Variants in MAP3K12 observed in about 807,000 individuals in gnomAD.
MAP3K12 encodes the protein mitogen-activated protein kinase kinase kinase 12.
In MAP3K12, 14 loss-of-function variants were observed where a neutral mutation model predicts 87.5. That is an observed-to-expected ratio of 0.16 (90% CI 0.11 to 0.25). The LOEUF is 0.25. Ranked by LOEUF, MAP3K12 falls within the 10% of genes least tolerant of loss-of-function variation. The probability of loss-of-function intolerance (pLI) is 1.00; values close to 1 mark genes in which losing one functional copy is unlikely to be tolerated. For missense variants in MAP3K12, 802 were observed against 1,140.4 expected, an observed-to-expected ratio of 0.70 and a Z score of 4.27; for synonymous variants, 469 against 452.5, an observed-to-expected ratio of 1.04 and a Z score of -0.46.
In MAP3K12 at chr12:53,487,263, C is replaced by T. The variant is rs773763331; in HGVS notation, c.129G>A (p.Thr43=). The change falls in exon 2 of 14, where the codon ACG becomes ACA. Residue 43 remains threonine, a synonymous_variant. Coordinates refer to ENST00000547488, the MANE Select transcript of MAP3K12 (RefSeq NM_001193511.2). ...TSDCTPEKDL[T]PTQCVLRDVV... is the part of the protein sequence containing the mutation. ...CATCTCGAAGTACACACTGGGTAGG[C>T]GTCAGGTCCTTCTCGGGAGTGCAGT... The T allele has an allele frequency of 5.5e-5, 89 of 1,613,730 alleles. No homozygotes were observed. The highest frequency in any genetic ancestry group is 5.9e-5 in the Non-Finnish European group (70 of 1,179,960).
chr12:53,481,287 G>C lies in MAP3K12; in HGVS notation c.2581-7C>G, dbSNP rs1317032560. On this transcript the variant is annotated splice_polypyrimidine_tract_variant and splice_region_variant and intron_variant, in intron 13 of 13. Coordinates refer to ENST00000547488, the MANE Select transcript of MAP3K12 (RefSeq NM_001193511.2). ...CCTCAGAATTGGGAGGGCCCTGTGA[G>C]AAAGAGTAGAAATGGAGTGAGATTC... 3 of 1,507,306 alleles carry C rather than the reference G, an allele frequency of 2.0e-6. No homozygotes were observed. Among genetic ancestry groups the C allele is most frequent in the Non-Finnish European group, 2.7e-6 (3 of 1,120,824 alleles). The allele number at this position is 1,507,306 out of a possible 1,614,324, so 93.4% of individuals were successfully genotyped here.
rs1465572155 is a variant in MAP3K12, at chr12:53,479,965, C to T, written c.*1217G>A. On this transcript the variant is annotated 3_prime_UTR_variant, in exon 14 of 14. Transcript: ENST00000547488. ...TTTTCTTCTATTTTACCACTTCCAT[C>T]TTTTTTTGTGGCCCTCGATCCTATT... 1 of 152,088 alleles carries T rather than the reference C, an allele frequency of 6.6e-6. No individual in the cohort carries two copies. The highest frequency in any genetic ancestry group is 6.6e-5 in the Admixed American group (1 of 15,246). The allele number at this position is 152,088 out of a possible 1,614,324, so 9.4% of individuals were successfully genotyped here. A position where few individuals can be genotyped will look rare whatever the true frequency, so the allele number is the denominator to read the frequency against.
In MAP3K12 at chr12:53,482,630, G is replaced by A. The variant is rs757891049; in HGVS notation, c.2173C>T (p.Arg725Trp). The A allele has an allele frequency of 5.6e-6, 9 of 1,613,768 alleles. No homozygotes were observed. Among genetic ancestry groups the A allele is most frequent in the South Asian group, 1.1e-5 (1 of 91,092 alleles). The change falls in exon 11 of 14, where the codon CGG becomes TGG. Residue 725 changes from arginine (R) to tryptophan (W), a missense_variant. Arg to Trp is a moderately radical substitution (Grantham distance 101, BLOSUM62 -3). Coordinates refer to ENST00000547488, the MANE Select transcript of MAP3K12 (RefSeq NM_001193511.2). Reference protein sequence around the residue: ...REGTSGRGGSRAGSQHLTPAA... With the variant: ...REGTSGRGGSWAGSQHLTPAA... ...GGGGTCAAGTGCTGGGACCCAGCCC[G>A]GCTTCCTCCCCGGCCTGAGGTCCCT...
At chr12:53,498,522 C>T (rs971306242) in intron 1 of MAP3K12, among the ~76,000 whole-genome samples, 1 of 152,120 alleles carries the variant, frequency 6.6e-6, no homozygotes, top group South Asian at 2.1e-4. Flanking sequence ...TAAGGGACAC[C>T]TCACTGTTTC....
At chr12:53,501,307 C>T (rs972079980), upstream of MAP3K12, 11 of 1,378,608 alleles carry the variant, frequency 8.0e-6, no homozygotes, top group Middle Eastern at 2.2e-4. Context: ...CGGGCCCTAC[C>T]GGCCGCGACT....
chr12:53,498,957 T>A (rs868204185), intron 1 of MAP3K12, among the ~76,000 whole-genome samples: 1 of 29,932 alleles, frequency 3.3e-5, no homozygotes, highest in African/African-American at 1.2e-4. Context: ...TGTGTGTGTG[T>A]GTGTGTGTGT....
intron 6 of MAP3K12, 64 bp from the exon 7 acceptor site, chr12:53,484,429 G>T: frequency 8.2e-7 from 1 of 1,226,530 alleles, no homozygotes; most frequent in Non-Finnish European, 1.2e-6. Flanking sequence ...AGGAACTGGA[G>T]CATCCTTTCC....
At chr12:53,498,691 T>C (rs545734293) in intron 1 of MAP3K12, among the ~76,000 whole-genome samples, 139 of 151,970 alleles carry the variant, frequency 9.1e-4, no homozygotes, top group African/African-American at 3.2e-3. Context: ...GGAGATGGGT[T>C]AGGGGAGCCA....
chr12:53,486,742 G>A lies in MAP3K12; in HGVS notation c.446-120C>T. 1 of 1,453,408 alleles carries A rather than the reference G, an allele frequency of 6.9e-7. No individual in the cohort carries two copies. The highest frequency in any genetic ancestry group is 9.0e-7 in the Non-Finnish European group (1 of 1,108,396). 90.0% of individuals were successfully genotyped at this position (1,453,408 alleles called of 1,614,324 possible). ...AGGGTGAGGCAGAAAGCCAAAAATAGGCCAAGAAGAAGGTTCGAGGGGACA... is the reference window on the plus strand; with the variant it reads ...AGGGTGAGGCAGAAAGCCAAAAATAAGCCAAGAAGAAGGTTCGAGGGGACA... On this transcript the variant is annotated intron_variant, in intron 2 of 13. Coordinates refer to ENST00000547488, the MANE Select transcript of MAP3K12 (RefSeq NM_001193511.2). This position sits in a 1 kb window ranked among gnomAD's most constrained non-coding sequence, Gnocchi z 4.9.
intron 13 of MAP3K12, 157 bp downstream of exon 13, chr12:53,481,784 C>T (rs2137170615): frequency 2.4e-6 from 2 of 839,648 alleles, no homozygotes; most frequent in Non-Finnish European, 3.6e-6. Flanking sequence ...AATAGATGCT[C>T]TGTGCAAGAG....
intron 1 of MAP3K12, among the ~76,000 whole-genome samples, chr12:53,490,475 G>A (rs1326452229): frequency 6.6e-6 from 1 of 152,158 alleles, no homozygotes; most frequent in Non-Finnish European, 1.5e-5. Flanking sequence ...GCCAGGCACA[G>A]TGGCTCATGC....
At chr12:53,484,846 T>C (rs990275323) in intron 6 of MAP3K12, 1 of 614,148 alleles carries the variant, frequency 1.6e-6, no homozygotes, top group Non-Finnish European at 2.8e-6. Flanking sequence ...CAGATATCGT[T>C]AAGTGTATTT....
chr12:53,488,594 G>GA (rs1565889023), intron 1 of MAP3K12, among the ~76,000 whole-genome samples: 8 of 152,024 alleles, frequency 5.3e-5, no homozygotes. Context: ...CCGGGAGGCT[G>GA]AGGTTTTGGT....
Position 53,485,337 on chromosome 12 carries a change from C to T in MAP3K12, c.960G>A (p.Val320=). ...MAPEVIRNEP[V]SEKVDIWSFG... is the part of the protein sequence containing the mutation. ...CTCACCAGATGTCGACCTTCTCAGA[C>T]ACAGGTTCATTGCGGATCACCTCAG... is the stretch of plus-strand genomic sequence containing the variant. The change falls in exon 5 of 14, where the codon GTG becomes GTA. Residue 320 remains valine, a synonymous_variant. Transcript: ENST00000547488. 2 of 1,613,990 alleles carry T rather than the reference C, an allele frequency of 1.2e-6. No homozygotes were observed. Among genetic ancestry groups the T allele is most frequent in the Non-Finnish European group, 1.7e-6 (2 of 1,179,904 alleles).
At chr12:53,497,615 CCTT>C (rs1361822480) in intron 1 of MAP3K12, among the ~76,000 whole-genome samples, 1 of 152,216 alleles carries the variant, frequency 6.6e-6, no homozygotes, top group Non-Finnish European at 1.5e-5. Context: ...ACAGTATCCT[CCTT>C]CTTCCCAGCA....
At chr12:53,498,695 G>A (rs912023548) in intron 1 of MAP3K12, among the ~76,000 whole-genome samples, 1 of 152,048 alleles carries the variant, frequency 6.6e-6, no homozygotes, top group Admixed American at 6.6e-5. Context: ...ATGGGTTAGG[G>A]GAGCCAGAGG....
In MAP3K12 at chr12:53,496,978, A is replaced by T. The variant is rs551006108; in HGVS notation, c.-38+2449T>A. On this transcript the variant is annotated intron_variant, in intron 1 of 13. Coordinates refer to ENST00000547488, the MANE Select transcript of MAP3K12 (RefSeq NM_001193511.2). ...TCAGTTTCTTCATTGCTAAACGGGG[A>T]CAGTGGTACCTATGTCCCACAGTGG... 1.3e-3 allele frequency among the ~76,000 whole-genome samples: 195 copies of T among 152,310 alleles called. 1 individual carries two copies. The highest frequency in any genetic ancestry group is 4.0e-3 in the African/African-American group (167 of 41,574).
intron 1 of MAP3K12, 75 bp from the exon 2 acceptor site, chr12:53,487,503 G>T: frequency 7.0e-7 from 1 of 1,425,112 alleles, no homozygotes; most frequent in South Asian, 1.4e-5. Context: ...TATCCCAGAG[G>T]CACAGACTGG....
rs1943135546 is a variant in MAP3K12 at position 53,483,480 on chromosome 12, C to T, written c.1482G>A (p.Glu494=). The stretch of plus-strand genomic sequence containing the variant: ...CTGGGCACCTCCGCTCTAAAGCTTG[C>T]TCTCGCCTAAAGATCCAGGCACCTT... The part of the protein sequence containing the change: ...ELKERELLRR[E]QALERRCPGL... The change falls in exon 10 of 14, where the codon GAG becomes GAA. Residue 494 remains glutamate (E), a synonymous_variant. Coordinates refer to ENST00000547488, the MANE Select transcript of MAP3K12 (RefSeq NM_001193511.2). The T allele has an allele frequency of 2.5e-6, 4 of 1,614,018 alleles. No homozygotes were observed. Among genetic ancestry groups the T allele is most frequent in the Admixed American group, 1.7e-5 (1 of 59,992 alleles).
Sources: allele counts gnomAD v4.1 joint callset (sites outside exome capture counted in the v4.1 genomes callset), GRCh38; gene constraint gnomAD v4.1.1; non-coding constraint Gnocchi (gnomAD v3.1); transcripts MANE v1.5; gene names NCBI Gene and HGNC (gene_info 2026-07-23, HGNC 2026-07-21).